GLI3: variants seen among roughly 807,000 people sequenced by gnomAD.
GLI3 encodes the protein transcription activator GLI3.
Under a neutral mutation model 100.8 loss-of-function variants are expected in GLI3, and 20 were observed. That is an observed-to-expected ratio of 0.20 (90% CI 0.14 to 0.29). The LOEUF (loss-of-function observed/expected upper bound fraction) is 0.29, where lower values mean the gene tolerates loss of function less well. Among genes scored for constraint, GLI3 ranks in the 10% least tolerant of loss-of-function variants. The pLI is 1.00. For synonymous variants in GLI3, 938 were observed against 860.5 expected, an observed-to-expected ratio of 1.09 and a Z score of -1.58; for missense variants, 2,040 against 2,128.5, an observed-to-expected ratio of 0.96 and a Z score of 0.82.
In GLI3 at chr7:42,216,436, G is replaced by A. The variant is rs1044956598; in HGVS notation, c.124+6694C>T. Among the ~76,000 whole-genome samples, 21 of 152,278 alleles carry A rather than the reference G, an allele frequency of 1.4e-4. No individual in the cohort carries two copies. The East Asian group carries it at 4.1e-3, about 29-fold the overall frequency. ...AGTGGTGGATATGTGACATACATTT[G>A]TCAAAACCCATACAACTGTACAACA... On this transcript the variant is annotated intron_variant, in intron 2 of 14. Transcript: ENST00000395925.
intron 6 of GLI3, among the ~76,000 whole-genome samples, chr7:42,044,632 G>C (rs973906057): frequency 1.3e-5 from 2 of 152,062 alleles, no homozygotes; most frequent in African/African-American, 4.8e-5. Context: ...TTGATAACTT[G>C]ATAACTATTC....
rs376693778 is a variant in GLI3, at chr7:42,166,339, A to C, written c.125-17871T>G. ...CACTAGTGAAGTATTCTACAGGTGA[A>C]TAAATAATTGAATGAATGTGGTGGG... On this transcript the variant is annotated intron_variant, in intron 2 of 14. Coordinates refer to ENST00000395925, the MANE Select transcript of GLI3 (RefSeq NM_000168.6). Among the ~76,000 whole-genome samples the C allele has an allele frequency of 1.3e-4, 20 of 152,334 alleles. No individual in the cohort carries two copies. In the East Asian group the frequency reaches 3.3e-3, roughly 25 times the overall value.
chr7:42,243,759 G>A (rs1039694377), intron 1 of GLI3, among the ~76,000 whole-genome samples: 2 of 152,310 alleles, frequency 1.3e-5, no homozygotes, highest in South Asian at 2.1e-4. Flanking sequence ...TAAGTAGGAT[G>A]CTTGAGATGT....
At position 42,148,266 on chromosome 7, in the gene GLI3, A is replaced by G; in HGVS notation, c.327T>C (p.Phe109=). The G allele has an allele frequency of 6.2e-7, 1 of 1,612,760 alleles. No individual in the cohort carries two copies. Among genetic ancestry groups the G allele is most frequent in the Non-Finnish European group, 8.5e-7 (1 of 1,179,350 alleles). The part of the protein sequence containing the change: ...EPSVPYRGTV[F]AMDPRNGYME... Reference sequence around the variant, plus strand: ...TGTAACCATTCCTGGGGTCCATGGCAAACACCGTCCCGCGGTACGGCACAG... The same window carrying G: ...TGTAACCATTCCTGGGGTCCATGGCGAACACCGTCCCGCGGTACGGCACAG... Residue 109 remains phenylalanine, a synonymous_variant, in exon 3 of 15, where the codon TTT becomes TTC. Transcript: ENST00000395925.
intron 4 of GLI3, among the ~76,000 whole-genome samples, chr7:42,072,220 C>T (rs1404718163): frequency 2.6e-5 from 4 of 152,086 alleles, no homozygotes; most frequent in Admixed American, 1.3e-4. Flanking sequence ...AACCAAGGAC[C>T]CTGCTTTGGA....
intron 2 of GLI3, among the ~76,000 whole-genome samples, chr7:42,166,969 G>C (rs1773352374): frequency 1.3e-5 from 2 of 151,992 alleles, no homozygotes; most frequent in African/African-American, 4.8e-5. Context: ...GGGATTACAG[G>C]TACATGCCAC....
intron 4 of GLI3, among the ~76,000 whole-genome samples, chr7:42,064,068 C>T (rs1045250880): frequency 2.6e-5 from 4 of 152,136 alleles, no homozygotes; most frequent in Non-Finnish European, 5.9e-5. Flanking sequence ...ACACTGGTGG[C>T]TGCAGTATAC....
intron 3 of GLI3, among the ~76,000 whole-genome samples, chr7:42,099,258 C>A (rs1785406964): frequency 6.6e-6 from 1 of 152,160 alleles, no homozygotes; most frequent in African/African-American, 2.4e-5. Flanking sequence ...ATATGCAAGC[C>A]AAGGTTTCAC....
Position 42,196,279 on chromosome 7 carries a change from T to G in GLI3, c.124+26851A>C, listed in dbSNP as rs1283476215. Among the ~76,000 whole-genome samples, 5 of 152,298 alleles carry G rather than the reference T, an allele frequency of 3.3e-5. No homozygotes were observed. In the East Asian group the frequency reaches 9.6e-4, roughly 29 times the overall value. The stretch of plus-strand genomic sequence containing the variant: ...GCAGAAAGTGGTAAGGAAACATAGT[T>G]GGATTATCTAGGCTAGAGAATGTCA... On this transcript the variant is annotated intron_variant, in intron 2 of 14. Coordinates refer to ENST00000395925, the MANE Select transcript of GLI3 (RefSeq NM_000168.6).
Position 41,964,375 on chromosome 7 carries a change from C to T in GLI3, c.4698G>A (p.Leu1566=), listed in dbSNP as rs905011458. ...NMAIGDMSSL[L]TSLAEESKFL... ...ATTTGCTTTCTTCCGCTAGGGAGGT[C>T]AGCAAAGAACTCATGTCCCCGATAG... The change falls in exon 15 of 15, where the codon CTG becomes CTA. Residue 1566 remains leucine (L), a synonymous_variant. Transcript: ENST00000395925. 4 of 1,614,132 alleles carry T rather than the reference C, an allele frequency of 2.5e-6. No homozygotes were observed. Among genetic ancestry groups the T allele is most frequent in the Non-Finnish European group, 3.4e-6 (4 of 1,179,976 alleles).
At position 41,966,307 on chromosome 7, in the gene GLI3, C is replaced by T. The variant is rs772031254; in HGVS notation, c.2766G>A (p.Thr922=). 5 of 1,607,712 alleles carry T rather than the reference C, an allele frequency of 3.1e-6. No individual in the cohort carries two copies. In the South Asian group the frequency reaches 3.3e-5, roughly 11 times the overall value. The stretch of plus-strand genomic sequence containing the variant: ...CCTTGAGGCGGTACTGCTGGGCGGG[C>T]GTGAGGCTGAGCAGGCTGGGCAGGC... ...SDGLPSLLSL[T]PAQQYRLKAK... is the part of the protein sequence containing the mutation. The change falls in exon 15 of 15, where the codon ACG becomes ACA. Residue 922 remains threonine (T), a synonymous_variant. Transcript: ENST00000395925. The surrounding 1 kb of genome is among the most constrained non-coding windows in gnomAD (Gnocchi z 5.8).
chr7:42,149,330 G>T (rs1050157803), intron 2 of GLI3, among the ~76,000 whole-genome samples: 1 of 152,152 alleles, frequency 6.6e-6, no homozygotes, highest in East Asian at 1.9e-4. Context: ...ATATACAGCG[G>T]GTATTCCAGT....
intron 3 of GLI3, among the ~76,000 whole-genome samples, chr7:42,104,600 G>A (rs144591105): frequency 2.0e-3 from 303 of 152,104 alleles, no homozygotes; most frequent in African/African-American, 6.7e-3. Context: ...TCAAACTCTT[G>A]GCTTAAAAAA....
At chr7:41,978,480 C>G (rs1359818634) in intron 11 of GLI3, 119 bp downstream of exon 11, 5 of 933,298 alleles carry the variant, frequency 5.4e-6, no homozygotes, top group Non-Finnish European at 8.9e-6. Flanking sequence ...AGACAATACT[C>G]TAGTCCTCTT....
Position 42,223,212 on chromosome 7 carries a change from T to C in GLI3, c.42A>G (p.Lys14=). 1 of 1,613,998 alleles carries C rather than the reference T, an allele frequency of 6.2e-7. No individual in the cohort carries two copies. The highest frequency in any genetic ancestry group is 8.5e-7 in the Non-Finnish European group (1 of 1,179,914). ...ACTTCACTATGGAATTCTCAACTTT[T>C]TTCTTTTCAGTGGTCGTGGAGCTGT... The part of the protein sequence containing the change: ...QSHSSTTTEK[K]KVENSIVKCS... Residue 14 remains lysine, a synonymous_variant, in exon 2 of 15, where the codon AAA becomes AAG. Transcript: ENST00000395925.
chr7:42,088,196 A>C (rs1785144440), intron 3 of GLI3, among the ~76,000 whole-genome samples: 1 of 152,204 alleles, frequency 6.6e-6, no homozygotes, highest in South Asian at 2.1e-4. Flanking sequence ...CTATGTGAGC[A>C]TCTATCAAAT....
chr7:42,182,717 TACACACACACACAC>T (rs66997611), intron 2 of GLI3, among the ~76,000 whole-genome samples: 2 of 118,710 alleles, frequency 1.7e-5, no homozygotes, highest in South Asian at 2.7e-4. Flanking sequence ...CACATATAAA[TACACACACACACAC>T]ACACACACAC....
intron 4 of GLI3, among the ~76,000 whole-genome samples, chr7:42,063,456 C>T (rs1784611745): frequency 6.6e-6 from 1 of 152,064 alleles, no homozygotes; most frequent in Admixed American, 6.6e-5. Context: ...ATTATTCAGA[C>T]ATAGATTTTT....
At chr7:42,243,990 C>T (rs1158139731) in intron 1 of GLI3, among the ~76,000 whole-genome samples, 1 of 152,190 alleles carries the variant, frequency 6.6e-6, no homozygotes, top group East Asian at 1.9e-4. Context: ...CGTGCCACCA[C>T]ACCCAGCTAA....
Sources: gnomAD v4.1 joint callset for allele counts (sites outside exome capture counted in the v4.1 genomes callset) on GRCh38, gnomAD v4.1.1 for gene constraint, Gnocchi (gnomAD v3.1) non-coding constraint, MANE v1.5 for transcripts, NCBI Gene and HGNC (gene_info 2026-07-23, HGNC 2026-07-21) for gene names.